GPC5: variants seen among roughly 807,000 people sequenced by gnomAD.
The protein encoded by GPC5 is glypican-5.
Under a neutral mutation model 53.9 loss-of-function variants are expected in GPC5, and 47 were observed. The observed-to-expected ratio is 0.87, with a 90% CI of 0.69 to 1.11. The LOEUF is 1.11. Among genes scored for constraint, GPC5 ranks in the 50% most tolerant of loss-of-function variants. The pLI is 0.00. For missense variants in GPC5, 748 were observed against 713.1 expected (o/e 1.05, Z -0.56); for synonymous variants, 286 against 263.3 (o/e 1.09, Z -0.84).
chr13:91,410,642 G>A lies in GPC5; in HGVS notation c.163+11433G>A, dbSNP rs185588217. ...ATTACAGGCGTGAGCCACTACGCCC[G>A]GCCTTCCTTCATCTTAATGGAATAT... On this transcript the variant is annotated intron_variant, in intron 1 of 7. Transcript: ENST00000377067. Among the ~76,000 whole-genome samples the A allele has an allele frequency of 1.6e-3, 250 of 151,964 alleles. 1 individual carries two copies. Among genetic ancestry groups the A allele is most frequent in the African/African-American group, 5.3e-3 (218 of 41,480 alleles).
At chr13:92,489,031 T>C (rs1304070682) in intron 7 of GPC5, among the ~76,000 whole-genome samples, 1 of 152,180 alleles carries the variant, frequency 6.6e-6, no homozygotes, top group African/African-American at 2.4e-5. Context: ...ATCAGTTATT[T>C]TCTATTTGAC....
chr13:91,762,785 A>G (rs936303008), intron 5 of GPC5, among the ~76,000 whole-genome samples: 2 of 152,066 alleles, frequency 1.3e-5, no homozygotes, highest in Non-Finnish European at 2.9e-5. Flanking sequence ...AATGCCCACA[A>G]TTAACTGAAT....
chr13:92,448,281 A>G (rs903415815), intron 7 of GPC5: 1 of 152,166 alleles, frequency 6.6e-6, no homozygotes, highest in Admixed American at 6.5e-5. Context: ...AAAGTATTGT[A>G]TATTCATGCA....
At chr13:92,437,331 A>C (rs1877347521) in intron 7 of GPC5, among the ~76,000 whole-genome samples, 2 of 152,108 alleles carry the variant, frequency 1.3e-5, no homozygotes, top group African/African-American at 4.8e-5. Context: ...TGATTTATGC[A>C]TTATGTATTC....
In GPC5 at chr13:91,476,715, C is replaced by T. The variant is rs1336210; in HGVS notation, c.325+27793C>T. ...CTCTACTCACACCAATTGAGACAGA[C>T]GGTTGCAGAATTAAATGACCTACTA... On this transcript the variant is annotated intron_variant, in intron 2 of 7. Coordinates refer to ENST00000377067, the MANE Select transcript of GPC5 (RefSeq NM_004466.6). Among the ~76,000 whole-genome samples, 829 of 152,174 alleles carry T rather than the reference C, an allele frequency of 5.4e-3. 8 individuals are homozygous for T. Among genetic ancestry groups the T allele is most frequent in the East Asian group, 0.027 (140 of 5,176 alleles).
At chr13:91,851,411 A>C (rs2038911573) in intron 5 of GPC5, among the ~76,000 whole-genome samples, 1 of 152,172 alleles carries the variant, frequency 6.6e-6, no homozygotes, top group African/African-American at 2.4e-5. Flanking sequence ...GTAGTGAGTG[A>C]ATGTGAAGAC....
intron 5 of GPC5, among the ~76,000 whole-genome samples, chr13:91,847,792 T>C (rs1952685134): frequency 1.3e-5 from 2 of 152,336 alleles, no homozygotes; most frequent in Admixed American, 1.3e-4. Context: ...GATTAGTTTC[T>C]AAAGTTAGAC....
At chr13:92,285,695 A>C (rs1311626155) in intron 7 of GPC5, among the ~76,000 whole-genome samples, 1 of 152,230 alleles carries the variant, frequency 6.6e-6, no homozygotes, top group Non-Finnish European at 1.5e-5. Context: ...CATATGTGGA[A>C]AGCTGAAACT....
intron 7 of GPC5, among the ~76,000 whole-genome samples, chr13:92,636,212 A>C (rs1335635320): frequency 3.3e-5 from 5 of 152,226 alleles, no homozygotes; most frequent in Admixed American, 2.6e-4. Flanking sequence ...CATTTGTAAG[A>C]AATCAAGTTA....
intron 2 of GPC5, among the ~76,000 whole-genome samples, chr13:91,564,132 G>A (rs1196017913): frequency 6.6e-6 from 1 of 152,142 alleles, no homozygotes; most frequent in Non-Finnish European, 1.5e-5. Context: ...TTGCTAACAC[G>A]AAACATGTGT....
intron 7 of GPC5, among the ~76,000 whole-genome samples, chr13:92,803,452 A>G (rs1195647907): frequency 6.6e-6 from 1 of 151,914 alleles, no homozygotes; most frequent in East Asian, 1.9e-4. Flanking sequence ...GAAATTCCAT[A>G]AACTCTCTTG....
intron 7 of GPC5, among the ~76,000 whole-genome samples, chr13:92,575,693 C>T (rs141651374): frequency 2.0e-5 from 3 of 152,288 alleles, no homozygotes; most frequent in African/African-American, 4.8e-5. Flanking sequence ...GCCCATATTC[C>T]TCTCAGCACT....
At chr13:92,613,368 T>TATATAA (rs1302593262) in intron 7 of GPC5, among the ~76,000 whole-genome samples, 2 of 85,364 alleles carry the variant, frequency 2.3e-5, no homozygotes, top group African/African-American at 9.0e-5. Flanking sequence ...AATATATTTA[T>TATATAA]ATATAAATAT....
intron 7 of GPC5, among the ~76,000 whole-genome samples, chr13:92,725,671 C>T (rs926094657): frequency 1.3e-5 from 2 of 151,462 alleles, no homozygotes; most frequent in African/African-American, 2.4e-5. Context: ...AAAAATCACA[C>T]GTTCAAATTC....
At chr13:91,670,680 C>CT (rs1005606728) in intron 2 of GPC5, among the ~76,000 whole-genome samples, 89 of 152,260 alleles carry the variant, frequency 5.8e-4, no homozygotes, top group African/African-American at 2.0e-3. Context: ...TTGGAATACT[C>CT]AGAAGCTCAT....
rs761543755 is a variant in GPC5, at chr13:91,756,430, G to A, written c.1280+10G>A. 6.4e-7 allele frequency: 1 copy of A among 1,564,420 alleles called. No individual in the cohort carries two copies. Among genetic ancestry groups the A allele is most frequent in the Non-Finnish European group, 8.7e-7 (1 of 1,145,636 alleles). On this transcript the variant is annotated intron_variant, in intron 5 of 7. Coordinates refer to ENST00000377067, the MANE Select transcript of GPC5 (RefSeq NM_004466.6). ...AAGATATAGTAAAAAGGTATTTTAT[G>A]TGGTCTGTGAAAACCTACTAGTTAC...
At chr13:92,338,369 A>G (rs2043339663) in intron 7 of GPC5, among the ~76,000 whole-genome samples, 1 of 152,068 alleles carries the variant, frequency 6.6e-6, no homozygotes, top group Non-Finnish European at 1.5e-5. Flanking sequence ...ACAGTTTCTT[A>G]CAGTTTCTTA....
intron 6 of GPC5, among the ~76,000 whole-genome samples, chr13:92,081,139 G>A (rs111695895): frequency 5.9e-5 from 9 of 151,634 alleles, no homozygotes; most frequent in African/African-American, 1.9e-4. Flanking sequence ...ATGGAGTTTC[G>A]CTCTTGTCTC....
At chr13:92,057,869 G>T (rs2041088866) in intron 6 of GPC5, among the ~76,000 whole-genome samples, 1 of 152,056 alleles carries the variant, frequency 6.6e-6, no homozygotes, top group Admixed American at 6.6e-5. Flanking sequence ...CTGTAAAGCA[G>T]ATTGTTTTAT....
Sources: allele counts gnomAD v4.1 joint callset (sites outside exome capture counted in the v4.1 genomes callset), GRCh38; gene constraint gnomAD v4.1.1; transcripts MANE v1.5; gene names NCBI Gene and HGNC (gene_info 2026-07-23, HGNC 2026-07-21).